Variants in DLC1 observed in about 807,000 individuals in gnomAD.
DLC1 encodes the protein DLC1 Rho GTPase activating protein.
Under a neutral mutation model 140.3 loss-of-function variants are expected in DLC1, and 54 were observed. The observed-to-expected ratio is 0.38, with a 90% CI of 0.31 to 0.48. The LOEUF (loss-of-function observed/expected upper bound fraction) is 0.48, where lower values mean the gene tolerates loss of function less well. Among genes scored for constraint, DLC1 ranks in the 20% least tolerant of loss-of-function variants. The probability of loss-of-function intolerance (pLI) is 0.96; values close to 1 mark genes in which losing one functional copy is unlikely to be tolerated. For missense variants in DLC1, 2,536 were observed against 1,907.0 expected (o/e 1.33, Z -6.14); for synonymous variants, 986 against 728.1 (o/e 1.35, Z -5.70).
At chr8:13,457,698 A>AG (rs1259333354) in intron 2 of DLC1, among the ~76,000 whole-genome samples, 1 of 150,226 alleles carries the variant, frequency 6.7e-6, no homozygotes, top group Non-Finnish European at 1.5e-5. Context: ...AAAAAAAAAA[A>AG]AAAGAAATAA....
At chr8:13,447,337 A>G (rs1214001537) in intron 2 of DLC1, among the ~76,000 whole-genome samples, 1 of 152,328 alleles carries the variant, frequency 6.6e-6, no homozygotes, top group East Asian at 1.9e-4. Context: ...TTATTAAGGC[A>G]TACGATTTAT....
intron 2 of DLC1, among the ~76,000 whole-genome samples, chr8:13,434,030 T>C (rs367645780): frequency 5.9e-5 from 9 of 152,036 alleles, no homozygotes; most frequent in African/African-American, 1.9e-4. Flanking sequence ...TAATTTTGTT[T>C]TGTTTTGTTT....
chr8:13,091,744 C>T (rs573924843), intron 13 of DLC1, among the ~76,000 whole-genome samples: 1 of 152,108 alleles, frequency 6.6e-6, no homozygotes, highest in African/African-American at 2.4e-5. Context: ...GGAGCAACTT[C>T]TGAGGAGTGT....
At chr8:13,100,824 G>T in intron 8 of DLC1, 54 bp from the exon 9 acceptor site, 1 of 1,512,418 alleles carries the variant, frequency 6.6e-7, no homozygotes, top group Non-Finnish European at 8.8e-7. Flanking sequence ...CCAGCAGGGA[G>T]CAGGGCATGA....
chr8:13,552,111 G>GTGTGTGTGTATATATA (rs1279225632), intron 1 of DLC1, among the ~76,000 whole-genome samples: 1 of 54,530 alleles, frequency 1.8e-5, no homozygotes, highest in Admixed American at 2.3e-4. Context: ...GTCTAGAGGT[G>GTGTGTGTGTATATATA]TATATATATA....
At chr8:13,126,674 G>T (rs1821601140) in intron 5 of DLC1, among the ~76,000 whole-genome samples, 1 of 151,996 alleles carries the variant, frequency 6.6e-6, no homozygotes, top group South Asian at 2.1e-4. Context: ...AAAATATCTG[G>T]TTACAAACCT....
intron 2 of DLC1, among the ~76,000 whole-genome samples, chr8:13,435,995 T>G (rs1379993077): frequency 6.6e-6 from 1 of 152,212 alleles, no homozygotes; most frequent in Non-Finnish European, 1.5e-5. Context: ...TTCAGATGAT[T>G]GTTAACATTT....
At chr8:13,325,068 A>G (rs1248637468) in intron 4 of DLC1, among the ~76,000 whole-genome samples, 1 of 152,244 alleles carries the variant, frequency 6.6e-6, no homozygotes, top group Non-Finnish European at 1.5e-5. Context: ...AGATATAACA[A>G]AGGTACTGGA....
At chr8:13,184,262 A>G (rs189634282) in intron 5 of DLC1, among the ~76,000 whole-genome samples, 45 of 152,110 alleles carry the variant, frequency 3.0e-4, no homozygotes, top group African/African-American at 1.1e-3. Flanking sequence ...TTTTCAAAAA[A>G]CCAGCTTCTG....
intron 1 of DLC1, among the ~76,000 whole-genome samples, chr8:13,525,524 C>G (rs989341854): frequency 6.6e-6 from 1 of 152,132 alleles, no homozygotes; most frequent in African/African-American, 2.4e-5. Context: ...TTAGTTTTAG[C>G]CATTCTAATA....
intron 1 of DLC1, among the ~76,000 whole-genome samples, chr8:13,557,060 G>C (rs1392404122): frequency 6.6e-6 from 1 of 152,162 alleles, no homozygotes; most frequent in Non-Finnish European, 1.5e-5. Context: ...AAGTGAGCGA[G>C]GATAACTGAG....
chr8:13,586,736 A>G (rs1805332106), intron 1 of DLC1, among the ~76,000 whole-genome samples: 2 of 151,994 alleles, frequency 1.3e-5, no homozygotes. Context: ...CAATATCACA[A>G]CCAGAATGTT....
rs145059113 is a variant in DLC1 at position 13,093,686 on chromosome 8, G to A, written c.3527-861C>T. Among the ~76,000 whole-genome samples, 52 of 152,244 alleles carry A rather than the reference G, an allele frequency of 3.4e-4. 1 individual carries two copies. In the East Asian group the frequency reaches 8.9e-3, roughly 26 times the overall value. Reference sequence around the variant, plus strand: ...AGCACATAACAAATACCTCGGTGAGGAAAATGTGACCTGTGTTTTTATAAA... The same window carrying A: ...AGCACATAACAAATACCTCGGTGAGAAAAATGTGACCTGTGTTTTTATAAA... On this transcript the variant is annotated intron_variant, in intron 12 of 17. Coordinates refer to ENST00000276297, the MANE Select transcript of DLC1 (RefSeq NM_182643.3).
intron 2 of DLC1, among the ~76,000 whole-genome samples, chr8:13,462,574 T>A (rs2117029889): frequency 6.6e-6 from 1 of 152,040 alleles, no homozygotes. Flanking sequence ...CAGCTATTTT[T>A]TTTTGTATTT....
At chr8:13,494,874 C>G (rs1801430639) in intron 2 of DLC1, among the ~76,000 whole-genome samples, 3 of 152,040 alleles carry the variant, frequency 2.0e-5, no homozygotes, top group African/African-American at 7.3e-5. Flanking sequence ...TTGTTTGAAC[C>G]CAGGAGGCGG....
intron 2 of DLC1, among the ~76,000 whole-genome samples, chr8:13,454,650 GC>G (rs1306282974): frequency 1.3e-5 from 2 of 152,120 alleles, no homozygotes; most frequent in African/African-American, 4.8e-5. Flanking sequence ...CGACCTCTGG[GC>G]TCAAGTGATC....
intron 5 of DLC1, among the ~76,000 whole-genome samples, chr8:13,129,024 C>A (rs1457154073): frequency 6.8e-6 from 1 of 147,646 alleles, no homozygotes; most frequent in African/African-American, 2.5e-5. Flanking sequence ...TCATGGTAAT[C>A]CCTAATAACA....
chr8:13,227,908 G>C (rs1014149453), intron 5 of DLC1, among the ~76,000 whole-genome samples: 2 of 152,104 alleles, frequency 1.3e-5, no homozygotes, highest in African/African-American at 4.8e-5. Context: ...TGAATATTTT[G>C]ACATTTATAT....
At chr8:13,443,084 C>G (rs55853281) in intron 2 of DLC1, among the ~76,000 whole-genome samples, 1 of 151,780 alleles carries the variant, frequency 6.6e-6, no homozygotes, top group Non-Finnish European at 1.5e-5. Flanking sequence ...AACCATCATT[C>G]TCAGCAAACT....
Sources: allele counts gnomAD v4.1 joint callset (sites outside exome capture counted in the v4.1 genomes callset), GRCh38; gene constraint gnomAD v4.1.1; transcripts MANE v1.5; gene names NCBI Gene and HGNC (gene_info 2026-07-23, HGNC 2026-07-21).